ATXN1: variants seen among roughly 807,000 people sequenced by gnomAD.
ATXN1 encodes ataxin 1.
Under a neutral mutation model 56.4 loss-of-function variants are expected in ATXN1, and 8 were observed. The ratio of observed to expected loss-of-function variants is 0.14; its 90% confidence interval spans 0.08 to 0.26. ATXN1 has a LOEUF of 0.26. ATXN1 is among the 10% of genes least tolerant of loss of function. ATXN1 has a pLI of 1.00. For missense variants in ATXN1, 987 were observed against 1,106.5 expected (o/e 0.89, Z 1.53); for synonymous variants, 514 against 494.6 (o/e 1.04, Z -0.52).
At chr6:16,435,161 T>G (rs1477560628) in intron 6 of ATXN1, among the ~76,000 whole-genome samples, 1 of 151,982 alleles carries the variant, frequency 6.6e-6, no homozygotes, top group Non-Finnish European at 1.5e-5. Flanking sequence ...TGAGGTTTGG[T>G]GGGATGGTGA....
intron 2 of ATXN1, among the ~76,000 whole-genome samples, chr6:16,731,277 T>C (rs796598469): frequency 1.3e-5 from 2 of 151,994 alleles, no homozygotes; most frequent in African/African-American, 4.8e-5. Flanking sequence ...AGACCCGTAT[T>C]AACAGAGCCA....
chr6:16,705,940 T>C (rs532735), intron 2 of ATXN1, among the ~76,000 whole-genome samples: 126,956 of 151,746 alleles, frequency 0.84, 53,360 homozygotes, highest in East Asian at 1. Context: ...TGGGTCTACA[T>C]TGCATCCAAG....
intron 6 of ATXN1, among the ~76,000 whole-genome samples, chr6:16,355,938 T>G (rs1172953881): frequency 6.6e-6 from 1 of 152,166 alleles, no homozygotes; most frequent in Non-Finnish European, 1.5e-5. Flanking sequence ...CACGTCTTGC[T>G]CCAACCACCA....
chr6:16,650,980 A>C (rs1264182080), intron 3 of ATXN1, among the ~76,000 whole-genome samples: 2 of 152,238 alleles, frequency 1.3e-5, no homozygotes, highest in Non-Finnish European at 2.9e-5. Flanking sequence ...TAATTTGTCT[A>C]AAGTTTTTCT....
At chr6:16,737,562 A>AAT (rs1760179424) in intron 2 of ATXN1, 3 of 152,352 alleles carry the variant, frequency 2.0e-5, no homozygotes, top group Admixed American at 2.0e-4. Context: ...TGTAAGGCCT[A>AAT]ATCTCATTAG....
intron 3 of ATXN1, among the ~76,000 whole-genome samples, chr6:16,598,681 C>G (rs1762861030): frequency 6.6e-6 from 1 of 152,172 alleles, no homozygotes; most frequent in Admixed American, 6.5e-5. Context: ...TGCTGGCTTC[C>G]TGGTGTGGAA....
At chr6:16,551,505 G>A (rs915242501) in intron 4 of ATXN1, among the ~76,000 whole-genome samples, 8 of 152,156 alleles carry the variant, frequency 5.3e-5, no homozygotes, top group Non-Finnish European at 1.2e-4. Flanking sequence ...TATGTGTGTG[G>A]GGAGACAGAA....
intron 7 of ATXN1, among the ~76,000 whole-genome samples, chr6:16,324,033 G>A (rs940492841): frequency 6.6e-6 from 1 of 152,096 alleles, no homozygotes; most frequent in Middle Eastern, 3.4e-3. Context: ...AAGTATTCAG[G>A]GCTAAAAGCT....
rs1218884657 is a variant in ATXN1 at position 16,327,990 on chromosome 6, G to A, written c.321C>T (p.Ala107=). ...PVATTLPAAY[A]TPQPGTPVSP... ...ACACCGGGGTCCCTGGCTGCGGGGT[G>A]GCGTACGCGGCAGGCAGCGTGGTGG... Residue 107 remains alanine (A), a synonymous_variant, in exon 7 of 8, where the codon GCC becomes GCT. Coordinates refer to ENST00000436367, the MANE Select transcript of ATXN1 (RefSeq NM_001128164.2). 1 of 1,613,608 alleles carries A rather than the reference G, an allele frequency of 6.2e-7. No individual in the cohort carries two copies. Among genetic ancestry groups the A allele is most frequent in the Non-Finnish European group, 8.5e-7 (1 of 1,179,778 alleles).
chr6:16,318,832 C>T (rs1389045265), intron 7 of ATXN1, among the ~76,000 whole-genome samples: 2 of 152,224 alleles, frequency 1.3e-5, no homozygotes, highest in African/African-American at 2.4e-5. Context: ...AGGAAGGACA[C>T]TGCCCAGTGA....
At chr6:16,463,072 A>C (rs367596599) in intron 6 of ATXN1, among the ~76,000 whole-genome samples, 4 of 152,074 alleles carry the variant, frequency 2.6e-5, no homozygotes, top group Admixed American at 6.5e-5. Flanking sequence ...TTTTTCTCCA[A>C]TGGGAAAATA....
intron 6 of ATXN1, among the ~76,000 whole-genome samples, chr6:16,349,923 G>A (rs1173160002): frequency 6.6e-6 from 1 of 152,182 alleles, no homozygotes; most frequent in African/African-American, 2.4e-5. Flanking sequence ...AGAACACATA[G>A]TACACTGTTT....
intron 4 of ATXN1, among the ~76,000 whole-genome samples, chr6:16,527,551 T>C (rs1191475369): frequency 6.6e-6 from 1 of 152,144 alleles, no homozygotes; most frequent in African/African-American, 2.4e-5. Flanking sequence ...CCATAACCAA[T>C]GGCAGGTGAC....
intron 7 of ATXN1, among the ~76,000 whole-genome samples, chr6:16,314,003 T>C (rs1415163662): frequency 6.6e-6 from 1 of 152,242 alleles, no homozygotes; most frequent in Non-Finnish European, 1.5e-5. Flanking sequence ...TGCGAAAAGA[T>C]GCCACGACCA....
chr6:16,677,363 A>G (rs1209259987), intron 2 of ATXN1, among the ~76,000 whole-genome samples: 1 of 152,212 alleles, frequency 6.6e-6, no homozygotes, highest in Non-Finnish European at 1.5e-5. Context: ...ACAGGGAGGC[A>G]TACAAAGCCT....
rs139646259 is a variant in ATXN1, at chr6:16,366,361, C to T, written c.-160-37891G>A. 6.4e-3 allele frequency among the ~76,000 whole-genome samples: 968 copies of T among 152,224 alleles called. 5 individuals carry two copies. Among genetic ancestry groups the T allele is most frequent in the Middle Eastern group, 0.027 (8 of 294 alleles). On this transcript the variant is annotated intron_variant, in intron 6 of 7. Transcript: ENST00000436367. ...ACCTAGCTAACTTCTGGCTCTGGCA[C>T]CCTATCCGCTGACCCCTTTGCAACA...
chr6:16,369,730 CCTT>C (rs1481151331), intron 6 of ATXN1, among the ~76,000 whole-genome samples: 2 of 152,158 alleles, frequency 1.3e-5, no homozygotes, highest in African/African-American at 2.4e-5. Context: ...GATAAACTCT[CCTT>C]CTTTATTTCA....
chr6:16,413,981 T>G (rs1758852891), intron 6 of ATXN1, among the ~76,000 whole-genome samples: 1 of 152,182 alleles, frequency 6.6e-6, no homozygotes, highest in South Asian at 2.1e-4. Flanking sequence ...TTGCTCTACT[T>G]GGGGTTTTGA....
At chr6:16,553,662 T>C (rs1490848821) in intron 4 of ATXN1, among the ~76,000 whole-genome samples, 1 of 152,174 alleles carries the variant, frequency 6.6e-6, no homozygotes, top group Non-Finnish European at 1.5e-5. Flanking sequence ...TTCTGAATAA[T>C]GGCTATTTAC....
Sources: gnomAD v4.1 joint callset for allele counts (sites outside exome capture counted in the v4.1 genomes callset) on GRCh38, gnomAD v4.1.1 for gene constraint, MANE v1.5 for transcripts, NCBI Gene and HGNC (gene_info 2026-07-23, HGNC 2026-07-21) for gene names.